The following DCAF1 variants were observed in gnomAD, a reference collection of about 807,000 sequenced individuals.
DCAF1 encodes DDB1- and CUL4-associated factor 1.
A neutral mutation model predicts 128.0 loss-of-function variants in DCAF1; 15 were observed. The observed-to-expected ratio is 0.12, with a 90% CI of 0.08 to 0.18. The LOEUF (loss-of-function observed/expected upper bound fraction) is 0.18, where lower values mean the gene tolerates loss of function less well. Among genes scored for constraint, DCAF1 ranks in the 10% least tolerant of loss-of-function variants. DCAF1 has a pLI of 1.00. For synonymous variants in DCAF1, 610 were observed against 603.0 expected (o/e 1.01, Z -0.17); for missense variants, 988 against 1,649.5 (o/e 0.60, Z 6.95).
chr3:51,465,419 A>C (rs1171531007), intron 5 of DCAF1, among the ~76,000 whole-genome samples: 1 of 152,200 alleles, frequency 6.6e-6, no homozygotes, highest in Non-Finnish European at 1.5e-5. Context: ...ATATAGAAAT[A>C]AATCTAGAAG....
chr3:51,403,399 G>T lies in DCAF1; in HGVS notation c.4213-4C>A. On this transcript the variant is annotated splice_polypyrimidine_tract_variant and splice_region_variant and intron_variant, in intron 23 of 24. Transcript: ENST00000684031. ...CTTCCTCCTGTTCTTCCTCTTCCTGGTAAGAAAGCGTAATGTTCATTAGTA... is the reference window on the plus strand; with the variant it reads ...CTTCCTCCTGTTCTTCCTCTTCCTGTTAAGAAAGCGTAATGTTCATTAGTA... The T allele has an allele frequency of 6.4e-7, 1 of 1,551,766 alleles. No homozygotes were observed. The highest frequency in any genetic ancestry group is 8.7e-7 in the Non-Finnish European group (1 of 1,146,980).
intron 13 of DCAF1, among the ~76,000 whole-genome samples, chr3:51,423,909 A>C (rs1180405625): frequency 6.6e-6 from 1 of 152,166 alleles, no homozygotes; most frequent in African/African-American, 2.4e-5. Context: ...CAAAAGAATG[A>C]GAAAACCCAC....
Position 51,441,610 on chromosome 3 carries a change from G to C in DCAF1, c.801C>G (p.Asn267Lys). Residue 267 changes from asparagine (N) to lysine (K), a missense_variant, in exon 8 of 25, where the codon AAC (asparagine) becomes AAG (lysine). Asn to Lys is a moderately conservative substitution (Grantham distance 94). Coordinates refer to ENST00000684031, the MANE Select transcript of DCAF1 (RefSeq NM_001387579.1). ...TKPEDGGLKK[N>K]KSAKQGDREN... ...CTCTGTCACCCTGTTTTGCTGACTT[G>C]TTTTTCTTTAATCCTCCATCCTCAG... is the stretch of plus-strand genomic sequence containing the variant. 6.2e-7 allele frequency: 1 copy of C among 1,613,950 alleles called. No individual in the cohort carries two copies. The highest frequency in any genetic ancestry group is 8.5e-7 in the Non-Finnish European group (1 of 1,179,880).
chr3:51,417,804 G>T (rs1471060759), intron 17 of DCAF1, among the ~76,000 whole-genome samples: 2 of 151,106 alleles, frequency 1.3e-5, no homozygotes, highest in East Asian at 1.9e-4. Flanking sequence ...GGGAGGTGAG[G>T]GGGGAGGGGA....
intron 4 of DCAF1, among the ~76,000 whole-genome samples, chr3:51,469,864 T>G (rs1553647871): frequency 2.0e-5 from 3 of 151,822 alleles, no homozygotes; most frequent in Non-Finnish European, 4.4e-5. Flanking sequence ...CTATTAAAAG[T>G]GCAAAACTTA....
Position 51,403,246 on chromosome 3 carries a change from G to T in DCAF1, c.4362C>A (p.Phe1454Leu). The change falls in exon 24 of 25, where the codon TTC becomes TTA. Residue 1454 changes from phenylalanine to leucine, a missense_variant. Coordinates refer to ENST00000684031, the MANE Select transcript of DCAF1 (RefSeq NM_001387579.1). ...ENAGEDGDND[F>L]SPSDEELANL... is the part of the protein sequence containing the mutation. ...TTGCTAGCTCCTCATCAGAGGGAGA[G>T]AAGTCATTGTCCCCATCTTCCCCTG... The T allele has an allele frequency of 2.5e-6, 4 of 1,613,756 alleles. No homozygotes were observed. Among genetic ancestry groups the T allele is most frequent in the Non-Finnish European group, 3.4e-6 (4 of 1,179,830 alleles).
intron 23 of DCAF1, among the ~76,000 whole-genome samples, chr3:51,404,580 G>A (rs2089975225): frequency 6.6e-6 from 1 of 152,148 alleles, no homozygotes; most frequent in Non-Finnish European, 1.5e-5. Context: ...TGGACTTCTG[G>A]TAATTTTGGA....
chr3:51,438,803 G>A (rs1290342474), intron 9 of DCAF1, among the ~76,000 whole-genome samples: 1 of 152,108 alleles, frequency 6.6e-6, no homozygotes, highest in African/African-American at 2.4e-5. Flanking sequence ...TAGAGACGGG[G>A]TTTCTCCATG....
At chr3:51,431,329 C>A (rs921433650) in intron 10 of DCAF1, among the ~76,000 whole-genome samples, 12 of 150,832 alleles carry the variant, frequency 8.0e-5, no homozygotes, top group Admixed American at 4.0e-4. Flanking sequence ...ACCAGCCTAG[C>A]CAACATGGTA....
intron 6 of DCAF1, among the ~76,000 whole-genome samples, chr3:51,457,087 A>G (rs1472753468): frequency 6.6e-6 from 1 of 152,204 alleles, no homozygotes; most frequent in African/African-American, 2.4e-5. Context: ...AGTTGAGAGA[A>G]GAAGGCTTCA....
intron 18 of DCAF1, among the ~76,000 whole-genome samples, chr3:51,416,435 C>A (rs1362383435): frequency 6.6e-6 from 1 of 152,198 alleles, no homozygotes; most frequent in Non-Finnish European, 1.5e-5. Flanking sequence ...TCTTACCCTG[C>A]TTTCATTTTC....
At chr3:51,465,166 G>C (rs1704002781) in intron 5 of DCAF1, among the ~76,000 whole-genome samples, 1 of 152,180 alleles carries the variant, frequency 6.6e-6, no homozygotes, top group Admixed American at 6.6e-5. Context: ...AACAGAACTG[G>C]AGGGATTTGT....
At chr3:51,500,408 A>C (rs901013129), upstream of DCAF1, among the ~76,000 whole-genome samples, 3 of 152,212 alleles carry the variant, frequency 2.0e-5, no homozygotes, top group Admixed American at 1.3e-4. Context: ...TGTGTGCGCA[A>C]AGAGCCTCTG....
intron 9 of DCAF1, among the ~76,000 whole-genome samples, chr3:51,437,823 CAATA>C (rs1485730411): frequency 6.6e-6 from 1 of 150,870 alleles, no homozygotes; most frequent in African/African-American, 2.4e-5. Context: ...CTCAAAAAAA[CAATA>C]AATAAAATAA....
chr3:51,408,859 TATCA>T (rs1477142933), intron 23 of DCAF1, among the ~76,000 whole-genome samples: 3 of 152,314 alleles, frequency 2.0e-5, no homozygotes, highest in Middle Eastern at 3.4e-3. Context: ...AAAGCTGTAA[TATCA>T]GTATGGAGTG....
chr3:51,453,758 G>A (rs1327580168), intron 6 of DCAF1, among the ~76,000 whole-genome samples: 1 of 152,138 alleles, frequency 6.6e-6, no homozygotes, highest in African/African-American at 2.4e-5. Context: ...TTTGAGACCA[G>A]CCTGACCAAC....
At chr3:51,457,960 T>C (rs1371627014) in intron 6 of DCAF1, among the ~76,000 whole-genome samples, 5 of 152,144 alleles carry the variant, frequency 3.3e-5, no homozygotes, top group African/African-American at 1.2e-4. Flanking sequence ...TGCAAAAACA[T>C]GCCAAATTGT....
Position 51,483,789 on chromosome 3 carries a change from G to T in DCAF1, c.40C>A (p.Leu14Ile). 1.9e-6 allele frequency: 3 copies of T among 1,613,882 alleles called. No individual in the cohort carries two copies. The highest frequency in any genetic ancestry group is 1.7e-6 in the Non-Finnish European group (2 of 1,179,862). Residue 14 changes from leucine to isoleucine, a missense_variant, in exon 3 of 25, where the codon CTC (leucine) becomes ATC (isoleucine). Leu to Ile is a conservative substitution (Grantham distance 5). This residue lies in a region of DCAF1 where 48 missense variants were observed against 52.6 expected (regional missense o/e 0.91). Coordinates refer to ENST00000684031, the MANE Select transcript of DCAF1 (RefSeq NM_001387579.1). The part of the protein sequence containing the change: ...VVVHVDSKAE[L>I]TTLLEQWEKE... ...TCCCACTGCTCCAGCAGGGTAGTGAGCTCAGCTTTGGAGTCCACATGTACC... is the reference window on the plus strand; with the variant it reads ...TCCCACTGCTCCAGCAGGGTAGTGATCTCAGCTTTGGAGTCCACATGTACC...
At position 51,451,932 on chromosome 3, in the gene DCAF1, T is replaced by C. The variant is rs371017859; in HGVS notation, c.376-8029A>G. ...AATGAATTGCACAAAGAGTAAACAG[T>C]GTTTTTAAAACTTCTTTTTCATACA... On this transcript the variant is annotated intron_variant, in intron 6 of 24. Coordinates refer to ENST00000684031, the MANE Select transcript of DCAF1 (RefSeq NM_001387579.1). Among the ~76,000 whole-genome samples the C allele has an allele frequency of 4.6e-5, 7 of 152,202 alleles. No individual in the cohort carries two copies. In the East Asian group the frequency reaches 1.2e-3, roughly 25 times the overall value.
Sources: gnomAD v4.1 joint callset for allele counts (sites outside exome capture counted in the v4.1 genomes callset) on GRCh38, gnomAD v4.1.1 for gene constraint, gnomAD v4.1.1 regional missense constraint, MANE v1.5 for transcripts, NCBI Gene and HGNC (gene_info 2026-07-23, HGNC 2026-07-21) for gene names.